Variants in KCNN3 observed in about 807,000 individuals in gnomAD.
KCNN3 encodes the protein potassium calcium-activated channel subfamily N member 3.
Under a neutral mutation model 62.9 loss-of-function variants are expected in KCNN3, and 16 were observed. The ratio of observed to expected loss-of-function variants is 0.25; its 90% CI spans 0.17 to 0.39. The LOEUF (loss-of-function observed/expected upper bound fraction) is 0.39. Among genes scored for constraint, KCNN3 ranks in the 10% least tolerant of loss-of-function variants. KCNN3 has a pLI of 1.00. For missense variants in KCNN3, 599 were observed against 949.4 expected, an observed-to-expected ratio of 0.63 and a Z score of 4.85; for synonymous variants, 370 against 389.2, an observed-to-expected ratio of 0.95 and a Z score of 0.58.
chr1:154,717,604 G>A (rs935035745), intron 5 of KCNN3, among the ~76,000 whole-genome samples: 2 of 151,644 alleles, frequency 1.3e-5, no homozygotes, highest in Non-Finnish European at 2.9e-5. Flanking sequence ...GACAGAACAC[G>A]GAGTCCAGGT....
In KCNN3 at chr1:154,764,484, A is replaced by G. The variant is rs79720556; in HGVS notation, c.1448+7491T>C. Among the ~76,000 whole-genome samples the G allele has an allele frequency of 1.5e-4, 23 of 152,332 alleles. No individual in the cohort carries two copies. The East Asian group carries it at 4.4e-3, about 29-fold the overall frequency. On this transcript the variant is annotated intron_variant, in intron 3 of 7. Coordinates refer to ENST00000271915, the MANE Select transcript of KCNN3 (RefSeq NM_002249.6). Reference sequence around the variant, plus strand: ...TGGTATGGATTAAGTGAAACAATATATGGCTGATGCTACTGTTATTCTTGT... The same window carrying G: ...TGGTATGGATTAAGTGAAACAATATGTGGCTGATGCTACTGTTATTCTTGT...
chr1:154,762,940 A>G (rs563351703), intron 3 of KCNN3, among the ~76,000 whole-genome samples: 1 of 152,202 alleles, frequency 6.6e-6, no homozygotes, highest in African/African-American at 2.4e-5. Flanking sequence ...TTTCTCGTAT[A>G]TTGGGTTCTA....
intron 2 of KCNN3, among the ~76,000 whole-genome samples, chr1:154,802,977 C>G (rs1237106884): frequency 1.3e-5 from 2 of 152,212 alleles, no homozygotes; most frequent in African/African-American, 4.8e-5. Flanking sequence ...GCCCTTTTCA[C>G]GCCGTGCATG....
chr1:154,845,512 C>G (rs1000049926), intron 1 of KCNN3, among the ~76,000 whole-genome samples: 2 of 152,178 alleles, frequency 1.3e-5, no homozygotes, highest in Non-Finnish European at 2.9e-5. Flanking sequence ...TTTCTCACTG[C>G]GGGGGCCCCA....
chr1:154,867,663 T>C (rs188358839), intron 1 of KCNN3, among the ~76,000 whole-genome samples: 13 of 151,894 alleles, frequency 8.6e-5, no homozygotes, highest in African/African-American at 3.1e-4. Context: ...CAAGCTCTAT[T>C]TGAAACCTCC....
chr1:154,708,447 A>T lies in KCNN3; in HGVS notation c.1900-175T>A, dbSNP rs996455535. ...TGGGGATGGGGATGCTGAAGTGTGC[A>T]CATTTTTGTTTTCTTATTACAAAAG... On this transcript the variant is annotated intron_variant, in intron 7 of 7. Coordinates refer to ENST00000271915, the MANE Select transcript of KCNN3 (RefSeq NM_002249.6). Among the ~76,000 whole-genome samples the T allele has an allele frequency of 4.9e-4, 75 of 152,146 alleles. 1 individual carries two copies. The highest frequency in any genetic ancestry group is 1.5e-5 in the Non-Finnish European group (1 of 68,028).
chr1:154,841,357 T>C (rs1651821907), intron 1 of KCNN3, among the ~76,000 whole-genome samples: 1 of 152,172 alleles, frequency 6.6e-6, no homozygotes, highest in African/African-American at 2.4e-5. Flanking sequence ...TTGCGGCACA[T>C]TAGTATCACC....
intron 1 of KCNN3, among the ~76,000 whole-genome samples, chr1:154,840,001 T>A (rs1185409624): frequency 2.0e-5 from 3 of 151,870 alleles, no homozygotes; most frequent in Non-Finnish European, 4.4e-5. Context: ...TTTCTAAGAC[T>A]CAGACTGGGA....
intron 1 of KCNN3, among the ~76,000 whole-genome samples, chr1:154,856,009 G>A (rs1424284057): frequency 6.6e-6 from 1 of 152,146 alleles, no homozygotes; most frequent in East Asian, 1.9e-4. Context: ...CCCTCTCCCC[G>A]CCCTGAGGGA....
intron 1 of KCNN3, among the ~76,000 whole-genome samples, chr1:154,839,393 T>C (rs1011127274): frequency 2.0e-5 from 3 of 152,162 alleles, no homozygotes; most frequent in African/African-American, 7.2e-5. Context: ...AGACCATCTG[T>C]CTTCCAAATT....
At chr1:154,805,256 G>T (rs1571294180) in intron 2 of KCNN3, among the ~76,000 whole-genome samples, 1 of 152,282 alleles carries the variant, frequency 6.6e-6, no homozygotes, top group African/African-American at 2.4e-5. Flanking sequence ...GTCAGGTAGG[G>T]GGAATGGCTG....
chr1:154,802,791 G>T (rs776574257), intron 2 of KCNN3, among the ~76,000 whole-genome samples: 12 of 152,196 alleles, frequency 7.9e-5, no homozygotes, highest in Non-Finnish European at 1.6e-4. Context: ...ACTAACATGG[G>T]TGTGCATGGA....
At chr1:154,867,862 C>G (rs1343758461) in intron 1 of KCNN3, 1 of 739,992 alleles carries the variant, frequency 1.4e-6, no homozygotes, top group Non-Finnish European at 1.6e-6. Flanking sequence ...ATCGTGGAGC[C>G]ACTTGTCCAC....
chr1:154,821,672 T>C (rs1650905705), intron 2 of KCNN3, among the ~76,000 whole-genome samples: 1 of 152,180 alleles, frequency 6.6e-6, no homozygotes, highest in African/African-American at 2.4e-5. Context: ...GTGCAGCATA[T>C]GTGGGGGTAC....
intron 1 of KCNN3, chr1:154,868,378 G>A: frequency 3.0e-6 from 3 of 989,170 alleles, no homozygotes; most frequent in Non-Finnish European, 3.6e-6. Context: ...CATGCCCTCA[G>A]GAGACCCAGG....
At chr1:154,750,336 G>A (rs756395188) in intron 3 of KCNN3, among the ~76,000 whole-genome samples, 5 of 152,148 alleles carry the variant, frequency 3.3e-5, no homozygotes, top group East Asian at 1.9e-4. Context: ...CCATTTCCTC[G>A]GCCCCAGGAG....
intron 2 of KCNN3, among the ~76,000 whole-genome samples, chr1:154,780,194 CTTTTTTT>C (rs71077969): frequency 0.025 from 2,561 of 102,030 alleles, 86 homozygotes; most frequent in African/African-American, 0.094. Flanking sequence ...TTCTTTTTTT[CTTTTTTT>C]TTTTTTTTTT....
At chr1:154,754,438 T>C (rs1647533370) in intron 3 of KCNN3, among the ~76,000 whole-genome samples, 1 of 152,166 alleles carries the variant, frequency 6.6e-6, no homozygotes. Flanking sequence ...CTCCTCTTCT[T>C]CATTAGTAAG....
At chr1:154,826,001 C>T (rs1228342) in intron 1 of KCNN3, among the ~76,000 whole-genome samples, 148,048 of 149,328 alleles carry the variant, frequency 0.99, 73,404 homozygotes, top group East Asian at 1. Flanking sequence ...TGAGCCGAGA[C>T]AGTGCCACTG....
Sources: gnomAD v4.1 joint callset for allele counts (sites outside exome capture counted in the v4.1 genomes callset) on GRCh38, gnomAD v4.1.1 for gene constraint, MANE v1.5 for transcripts, NCBI Gene and HGNC (gene_info 2026-07-23, HGNC 2026-07-21) for gene names.